PCDHGA1: variants seen among roughly 807,000 people sequenced by gnomAD.
PCDHGA1 encodes protocadherin gamma subfamily A, 1.
Under a neutral mutation model 58.0 loss-of-function variants are expected in PCDHGA1, and 32 were observed. The ratio of observed to expected loss-of-function variants is 0.55; its 90% CI spans 0.42 to 0.74. The LOEUF is 0.74. Among genes scored for constraint, PCDHGA1 ranks in the 30% least tolerant of loss-of-function variants. PCDHGA1 has a pLI of 0.00. For missense variants in PCDHGA1, 1,205 were observed against 1,182.3 expected (o/e 1.02, Z -0.28); for synonymous variants, 498 against 501.1 (o/e 0.99, Z 0.08).
At chr5:141,383,551 G>T (rs772901140) in intron 1 of PCDHGA1, 11 of 1,612,380 alleles carry the variant, frequency 6.8e-6, no homozygotes, top group Non-Finnish European at 9.3e-6. Context: ...CTCTGATGGC[G>T]GCGACCCGCC....
rs760509503 is a variant in PCDHGA1 at position 141,432,756 on chromosome 5, A to T, written c.2422-62051A>T. The T allele has an allele frequency of 5.6e-6, 9 of 1,613,958 alleles. No homozygotes were observed. Among genetic ancestry groups the T allele is most frequent in the Non-Finnish European group, 7.6e-6 (9 of 1,179,994 alleles). On this transcript the variant is annotated intron_variant, in intron 1 of 3. Transcript: ENST00000517417. This position sits in a 1 kb window ranked among gnomAD's most constrained non-coding sequence, Gnocchi z 6.0. ...GTCACGCTCACCGTGGCCGTGGCCG[A>T]CAGCATCCCCCAAGTCCTGGCGGAC...
At position 141,477,290 on chromosome 5, in the gene PCDHGA1, C is replaced by T; in HGVS notation, c.2422-17517C>T. 5 of 1,614,158 alleles carry T rather than the reference C, an allele frequency of 3.1e-6. No individual in the cohort carries two copies. In the South Asian group the frequency reaches 5.5e-5, roughly 18 times the overall value. On this transcript the variant is annotated intron_variant, in intron 1 of 3. Coordinates refer to ENST00000517417, the MANE Select transcript of PCDHGA1 (RefSeq NM_018912.3). The surrounding 1 kb of genome is among the most constrained non-coding windows in gnomAD (Gnocchi z 4.9). ...GAACGGGCTGGTGACCTGCGAAGTT[C>T]CACCGGGTCTCCCTTTCAGCCTTAC...
chr5:141,397,919 C>T (rs1158998805), intron 1 of PCDHGA1: 12 of 723,342 alleles, frequency 1.7e-5, no homozygotes, highest in Non-Finnish European at 2.2e-5. Context: ...TCCAGATCTC[C>T]TCGCGCAGCC....
In PCDHGA1 at chr5:141,364,970, G is replaced by T. The variant is rs766427343; in HGVS notation, c.2421+31865G>T. 13 of 1,613,796 alleles carry T rather than the reference G, an allele frequency of 8.1e-6. No homozygotes were observed. The East Asian group carries it at 2.9e-4, about 36-fold the overall frequency. On this transcript the variant is annotated intron_variant, in intron 1 of 3. Coordinates refer to ENST00000517417, the MANE Select transcript of PCDHGA1 (RefSeq NM_018912.3). The stretch of plus-strand genomic sequence containing the variant: ...GACTGTTCACGACCTCCTCCTCACA[G>T]CTTTAGATGGCGGAGACCCGGTACT...
At chr5:141,364,554 T>G in intron 1 of PCDHGA1, 1 of 1,614,122 alleles carries the variant, frequency 6.2e-7, no homozygotes. Flanking sequence ...ACGCAGCTTT[T>G]TGCCCTGAAC....
rs924491576 is a variant in PCDHGA1, at chr5:141,491,579, C to T, written c.2422-3228C>T. On this transcript the variant is annotated intron_variant, in intron 1 of 3. Coordinates refer to ENST00000517417, the MANE Select transcript of PCDHGA1 (RefSeq NM_018912.3). This position sits in a 1 kb window ranked among gnomAD's most constrained non-coding sequence, Gnocchi z 6.9. ...CACTGCTACAGGACGTGCTTTTCAC[C>T]GGCCTCGGACGGCAGTGACTTCACT... is the stretch of plus-strand genomic sequence containing the variant. 18 of 1,613,810 alleles carry T rather than the reference C, an allele frequency of 1.1e-5. No homozygotes were observed. Among genetic ancestry groups the T allele is most frequent in the Non-Finnish European group, 1.4e-5 (17 of 1,180,044 alleles).
chr5:141,400,371 C>A, intron 1 of PCDHGA1: 1 of 1,614,056 alleles, frequency 6.2e-7, no homozygotes, highest in South Asian at 1.1e-5. Flanking sequence ...CTTATTCCTA[C>A]AACCTATGTG....
At chr5:141,465,504 G>T (rs2099104593) in intron 1 of PCDHGA1, among the ~76,000 whole-genome samples, 2 of 152,152 alleles carry the variant, frequency 1.3e-5, no homozygotes. Context: ...GCATTGTCGT[G>T]GTCAGGAAGG....
intron 1 of PCDHGA1, chr5:141,372,574 T>C: frequency 1.2e-6 from 2 of 1,614,012 alleles, no homozygotes; most frequent in South Asian, 1.1e-5. Flanking sequence ...GAGGGCTACT[T>C]TCAGCCTGGT....
Position 141,487,568 on chromosome 5 carries a change from C to G in PCDHGA1, c.2422-7239C>G, listed in dbSNP as rs752378906. The G allele has an allele frequency of 1.9e-6, 3 of 1,614,180 alleles. No homozygotes were observed. Among genetic ancestry groups the G allele is most frequent in the Non-Finnish European group, 2.5e-6 (3 of 1,180,042 alleles). ...ACCCAGTGCACCTATGGCAGGGGAG[C>G]CTGTTCGCCCAAGCTGCCCACCCTC... On this transcript the variant is annotated intron_variant, in intron 1 of 3. Transcript: ENST00000517417. This position sits in a 1 kb window ranked among gnomAD's most constrained non-coding sequence, Gnocchi z 5.0.
intron 1 of PCDHGA1, chr5:141,361,665 G>T: frequency 6.2e-7 from 1 of 1,613,696 alleles, no homozygotes. Flanking sequence ...TGAGCGCGCA[G>T]AGCGGGGTGG....
intron 1 of PCDHGA1, among the ~76,000 whole-genome samples, chr5:141,359,300 T>C (rs1221692939): frequency 6.6e-6 from 1 of 152,140 alleles, no homozygotes; most frequent in Non-Finnish European, 1.5e-5. Context: ...GTGTCAAGCA[T>C]ATTCAGGTGT....
At chr5:141,373,905 A>G (rs947607007) in intron 1 of PCDHGA1, 1 of 603,766 alleles carries the variant, frequency 1.7e-6, no homozygotes, top group Non-Finnish European at 2.7e-6. Context: ...TACATCCTCC[A>G]ACAACAAAGC....
In PCDHGA1 at chr5:141,393,848, A is replaced by G. The variant is rs1368797606; in HGVS notation, c.2421+60743A>G. Reference sequence around the variant, plus strand: ...TGGAAGATGTAAATGACAATAGACCAGAAGTGATCATTACGTCTTTGTTTA... The same window carrying G: ...TGGAAGATGTAAATGACAATAGACCGGAAGTGATCATTACGTCTTTGTTTA... On this transcript the variant is annotated intron_variant, in intron 1 of 3. Transcript: ENST00000517417. 2.5e-6 allele frequency: 4 copies of G among 1,614,008 alleles called. No individual in the cohort carries two copies. The South Asian group carries it at 4.4e-5, about 18-fold the overall frequency.
intron 1 of PCDHGA1, chr5:141,484,865 G>A (rs1431313212): frequency 3.6e-6 from 1 of 278,548 alleles, no homozygotes; most frequent in Non-Finnish European, 6.7e-6. Flanking sequence ...GGGTGGGGGA[G>A]CGTGGAGGAT....
Position 141,489,267 on chromosome 5 carries a change from C to T in PCDHGA1, c.2422-5540C>T, listed in dbSNP as rs370726160. 27 of 1,553,302 alleles carry T rather than the reference C, an allele frequency of 1.7e-5. No individual in the cohort carries two copies. Among genetic ancestry groups the T allele is most frequent in the African/African-American group, 8.2e-5 (6 of 73,324 alleles). ...TGGGGCCCAAGACACTCCCACAGCT[C>T]GCTGGGAAATGGCAAGTGCTGTGCA... On this transcript the variant is annotated intron_variant, in intron 1 of 3. Transcript: ENST00000517417. This position sits in a 1 kb window ranked among gnomAD's most constrained non-coding sequence, Gnocchi z 4.5.
At position 141,365,186 on chromosome 5, in the gene PCDHGA1, G is replaced by A. The variant is rs775485996; in HGVS notation, c.2421+32081G>A. ...GACCTACTCTTTTCGCAATGAAGAA[G>A]AAAAAATTTCGGAGACTTTCCAACT... On this transcript the variant is annotated intron_variant, in intron 1 of 3. Transcript: ENST00000517417. 8.1e-6 allele frequency: 13 copies of A among 1,613,880 alleles called. 1 individual carries two copies. In the South Asian group the frequency reaches 1.1e-4, roughly 14 times the overall value.
chr5:141,371,978 C>T, intron 1 of PCDHGA1: 3 of 1,613,240 alleles, frequency 1.9e-6, no homozygotes, highest in Non-Finnish European at 2.5e-6. Context: ...TGCGTGCCTT[C>T]GAGCTCACTC....
chr5:141,428,320 T>C (rs2097132935), intron 1 of PCDHGA1: 2 of 650,176 alleles, frequency 3.1e-6, no homozygotes, highest in Admixed American at 2.2e-5. Context: ...GGCCTTGGCC[T>C]TGATTTCTAT....
Sources: allele counts gnomAD v4.1 joint callset (sites outside exome capture counted in the v4.1 genomes callset), GRCh38; gene constraint gnomAD v4.1.1; non-coding constraint Gnocchi (gnomAD v3.1); transcripts MANE v1.5; gene names NCBI Gene and HGNC (gene_info 2026-07-23, HGNC 2026-07-21).